The following NDUFA9 variants were observed in gnomAD, a reference collection of about 807,000 sequenced individuals.
The protein encoded by NDUFA9 is NADH dehydrogenase [ubiquinone] 1 alpha subcomplex subunit 9, mitochondrial.
A neutral mutation model predicts 45.9 loss-of-function variants in NDUFA9; 23 were observed. The ratio of observed to expected loss-of-function variants is 0.50; its 90% confidence interval spans 0.36 to 0.71. NDUFA9 has a LOEUF of 0.71. Among genes scored for constraint, NDUFA9 ranks in the 30% least tolerant of loss-of-function variants. The probability of loss-of-function intolerance (pLI) is 0.00; values close to 1 mark genes in which losing one functional copy is unlikely to be tolerated. For synonymous variants in NDUFA9, 176 were observed against 170.5 expected, an observed-to-expected ratio of 1.03 and a Z score of -0.25; for missense variants, 466 against 488.2, an observed-to-expected ratio of 0.95 and a Z score of 0.43.
At chr12:4,661,304 G>A in intron 5 of NDUFA9, among the ~76,000 whole-genome samples, 1 of 152,184 alleles carries the variant, frequency 6.6e-6, no homozygotes. Flanking sequence ...CTGGAAGGAA[G>A]AGAAAAGAAA....
intron 8 of NDUFA9, among the ~76,000 whole-genome samples, chr12:4,673,374 C>T (rs558218662): frequency 1.3e-4 from 19 of 151,918 alleles, no homozygotes; most frequent in Middle Eastern, 3.4e-3. Flanking sequence ...ATGAGTTTGA[C>T]GATTTGACAG....
chr12:4,650,159 C>A (rs921566319), intron 1 of NDUFA9, among the ~76,000 whole-genome samples: 16 of 152,132 alleles, frequency 1.1e-4, no homozygotes, highest in Non-Finnish European at 1.5e-4. Flanking sequence ...GAGATTAGCT[C>A]CTTGCACCTT....
intron 8 of NDUFA9, 42 bp from the exon 9 acceptor site, chr12:4,682,163 A>G (rs762874620): frequency 7.1e-7 from 1 of 1,414,614 alleles, no homozygotes; most frequent in Non-Finnish European, 9.8e-7. Context: ...AAACTTTGTG[A>G]GAAGCGTGTA....
chr12:4,658,750 AT>A (rs893767624), intron 4 of NDUFA9, among the ~76,000 whole-genome samples: 3 of 151,922 alleles, frequency 2.0e-5, no homozygotes, highest in Non-Finnish European at 4.4e-5. Flanking sequence ...AAAATTAAAA[AT>A]TTTTTTTCTT....
At chr12:4,654,704 T>G (rs1945779327) in intron 2 of NDUFA9, 121 bp from the exon 3 acceptor site, 1 of 985,146 alleles carries the variant, frequency 1.0e-6, no homozygotes, top group Non-Finnish European at 1.5e-6. Flanking sequence ...AATATTCTTT[T>G]TGTCAAATAT....
chr12:4,658,351 G>A (rs770270495), intron 4 of NDUFA9, among the ~76,000 whole-genome samples: 6 of 152,112 alleles, frequency 3.9e-5, no homozygotes, highest in Non-Finnish European at 5.9e-5. Context: ...ATTTGACTTA[G>A]TTTTTTAATA....
intron 1 of NDUFA9, 87 bp downstream of exon 1, chr12:4,649,262 C>A: frequency 6.9e-7 from 1 of 1,454,034 alleles, no homozygotes; most frequent in South Asian, 1.2e-5. Flanking sequence ...CTGCAGCGGT[C>A]ACGCCAACTT....
rs962739677 is a variant in NDUFA9 at position 4,671,345 on chromosome 12, T to C, written c.800+1528T>C. ...TCAGCATAGAAAAATCAATATATAC[T>C]AGTAAATGAACAATGTGAAAATAAA... On this transcript the variant is annotated intron_variant, in intron 8 of 10. Transcript: ENST00000266544. Among the ~76,000 whole-genome samples, 36 of 152,188 alleles carry C rather than the reference T, an allele frequency of 2.4e-4. 1 individual carries two copies. Among genetic ancestry groups the C allele is most frequent in the Middle Eastern group, 3.4e-3 (1 of 294 alleles).
intron 2 of NDUFA9, 47 bp from the exon 3 acceptor site, chr12:4,654,778 C>G: frequency 2.2e-6 from 3 of 1,347,592 alleles, no homozygotes; most frequent in Non-Finnish European, 3.1e-6. Flanking sequence ...TATAATATAT[C>G]CACATTATGT....
At chr12:4,653,794 G>A in intron 1 of NDUFA9, 1 of 330,186 alleles carries the variant, frequency 3.0e-6, no homozygotes, top group Non-Finnish European at 5.7e-6. Context: ...ACCAGTTTCA[G>A]ATTCTGTTCC....
chr12:4,664,926 G>C (rs1432889520), intron 6 of NDUFA9, among the ~76,000 whole-genome samples: 7 of 152,162 alleles, frequency 4.6e-5, no homozygotes, highest in African/African-American at 1.7e-4. Flanking sequence ...CTTCCTTTTA[G>C]AATAGGAATG....
At chr12:4,669,895 T>A in intron 8 of NDUFA9, 78 bp downstream of exon 8, 2 of 1,065,894 alleles carry the variant, frequency 1.9e-6, no homozygotes, top group Non-Finnish European at 2.9e-6. Flanking sequence ...ACTAACAGAT[T>A]TATTTGTTGC....
chr12:4,693,833 TA>T lies in NDUFA9; in HGVS notation c.*6727del, dbSNP rs1448129607. ...GTAAGAAATTTGAATTAAGGAATCG[TA>T]AGGGAATCGAGATTATCTAGTTTCC... On this transcript the variant is annotated 3_prime_UTR_variant, in exon 11 of 11. Coordinates refer to ENST00000266544, the MANE Select transcript of NDUFA9 (RefSeq NM_005002.5). 3 of 152,320 alleles carry T rather than the reference TA, an allele frequency of 2.0e-5. No homozygotes were observed. The highest frequency in any genetic ancestry group is 2.9e-5 in the Non-Finnish European group (2 of 68,020). The allele number at this position is 152,320 out of a possible 1,614,324, so 9.4% of individuals were successfully genotyped here.
At position 4,662,581 on chromosome 12, in the gene NDUFA9, G is replaced by C; in HGVS notation, c.601G>C (p.Val201Leu). 1.2e-6 allele frequency: 2 copies of C among 1,613,944 alleles called. No individual in the cohort carries two copies. Among genetic ancestry groups the C allele is most frequent in the Non-Finnish European group, 8.5e-7 (1 of 1,179,860 alleles). The change falls in exon 6 of 11, where the codon GTA becomes CTA. Residue 201 changes from valine (V) to leucine (L), a missense_variant. Physicochemically the swap from Val to Leu is conservative, Grantham distance 32 (BLOSUM62 1). Coordinates refer to ENST00000266544, the MANE Select transcript of NDUFA9 (RefSeq NM_005002.5). ...AGATGCATTTCCGGAAGCCATTATC[G>C]TAAAGCCGTCGGACATCTTTGGAAG... ...VRDAFPEAII[V>L]KPSDIFGRED...
At chr12:4,650,132 A>G (rs981139725) in intron 1 of NDUFA9, among the ~76,000 whole-genome samples, 1 of 151,492 alleles carries the variant, frequency 6.6e-6, no homozygotes, top group African/African-American at 2.4e-5. Flanking sequence ...GTGTAGAGCT[A>G]TTGAGTCAGA....
chr12:4,651,363 A>G (rs1468945349), intron 1 of NDUFA9, among the ~76,000 whole-genome samples: 2 of 152,166 alleles, frequency 1.3e-5, no homozygotes, highest in Non-Finnish European at 2.9e-5. Flanking sequence ...TTTATTGAGC[A>G]CCTAGTATTT....
intron 6 of NDUFA9, among the ~76,000 whole-genome samples, chr12:4,664,332 C>T (rs1380149527): frequency 6.6e-6 from 1 of 152,236 alleles, no homozygotes; most frequent in Non-Finnish European, 1.5e-5. Flanking sequence ...AGCAAAGTCA[C>T]CACCAGTTTG....
In NDUFA9 at chr12:4,693,866, C is replaced by CA; in HGVS notation, c.*6759dup. On this transcript the variant is annotated 3_prime_UTR_variant, in exon 11 of 11. Coordinates refer to ENST00000266544, the MANE Select transcript of NDUFA9 (RefSeq NM_005002.5). Reference sequence around the variant, plus strand: ...TCGAGATTATCTAGTTTCCCCTCGACATTTTATAACTGAATAAACAATAAA... The same window carrying CA: ...TCGAGATTATCTAGTTTCCCCTCGACAATTTTATAACTGAATAAACAATAAA... 1 of 152,234 alleles carries CA rather than the reference C, an allele frequency of 6.6e-6. No individual in the cohort carries two copies. Among genetic ancestry groups the CA allele is most frequent in the South Asian group, 2.1e-4 (1 of 4,830 alleles). 9.4% of individuals were successfully genotyped at this position (152,234 alleles called of 1,614,324 possible). A position where few individuals can be genotyped will look rare whatever the true frequency, so the allele number is the denominator to read the frequency against.
At chr12:4,680,088 T>C (rs1263704735) in intron 8 of NDUFA9, among the ~76,000 whole-genome samples, 1 of 152,132 alleles carries the variant, frequency 6.6e-6, no homozygotes, top group Non-Finnish European at 1.5e-5. Context: ...AATGTGAGGT[T>C]AGCTAAAAGG....
Sources: allele counts gnomAD v4.1 joint callset (sites outside exome capture counted in the v4.1 genomes callset), GRCh38; gene constraint gnomAD v4.1.1; transcripts MANE v1.5; gene names NCBI Gene and HGNC (gene_info 2026-07-23, HGNC 2026-07-21).